Variants in DOCK8 observed in about 807,000 individuals in gnomAD.
DOCK8 encodes the protein dedicator of cytokinesis protein 8.
A neutral mutation model predicts 245.6 loss-of-function variants in DOCK8; 141 were observed. That is an observed-to-expected ratio of 0.57 (90% CI 0.50 to 0.66). DOCK8 has a LOEUF of 0.66. DOCK8 is among the 30% of genes least tolerant of loss of function. DOCK8 has a pLI of 0.00. For synonymous variants in DOCK8, 1,168 were observed against 970.2 expected (o/e 1.20, Z -3.79); for missense variants, 2,965 against 2,603.4 (o/e 1.14, Z -3.02).
At chr9:435,118 TG>T in intron 39 of DOCK8, 143 bp downstream of exon 39, 4 of 937,716 alleles carry the variant, frequency 4.3e-6, no homozygotes, top group Non-Finnish European at 6.6e-6. Context: ...TACTGGCATC[TG>T]ACTGGTAGAA....
At chr9:443,330 A>C in intron 42 of DOCK8, 97 bp from the exon 43 acceptor site, 3 of 1,134,710 alleles carry the variant, frequency 2.6e-6, no homozygotes, top group East Asian at 2.4e-5. Context: ...ACATCATTCT[A>C]CCTTGCACTT....
intron 15 of DOCK8, chr9:368,387 A>G (rs1586818210): frequency 8.8e-6 from 6 of 684,984 alleles, no homozygotes; most frequent in East Asian, 2.7e-5. Flanking sequence ...AAAAAAAGTC[A>G]TAAAGTCTTT....
intron 14 of DOCK8, among the ~76,000 whole-genome samples, chr9:366,760 G>A (rs560355147): frequency 2.0e-5 from 3 of 152,110 alleles, no homozygotes; most frequent in African/African-American, 2.4e-5. Context: ...TTTGCTCAAC[G>A]CCCCCTACCT....
chr9:228,154 G>T (rs1428580565), intron 1 of DOCK8, among the ~76,000 whole-genome samples: 1 of 152,104 alleles, frequency 6.6e-6, no homozygotes, highest in African/African-American at 2.4e-5. Flanking sequence ...GGGACAAGTG[G>T]TAACCAGAAG....
At chr9:257,249 G>T (rs1218550043) in intron 1 of DOCK8, among the ~76,000 whole-genome samples, 1 of 152,200 alleles carries the variant, frequency 6.6e-6, no homozygotes, top group Non-Finnish European at 1.5e-5. Flanking sequence ...GAATATCTTA[G>T]TTAAATTTGG....
chr9:268,173 C>G (rs2048077388), intron 1 of DOCK8: 1 of 152,142 alleles, frequency 6.6e-6, no homozygotes, highest in African/African-American at 2.4e-5. Context: ...CAATTCTTTT[C>G]CACGTGGAAT....
At chr9:261,339 C>G (rs1007278206) in intron 1 of DOCK8, among the ~76,000 whole-genome samples, 2 of 152,142 alleles carry the variant, frequency 1.3e-5, no homozygotes, top group African/African-American at 4.8e-5. Flanking sequence ...AATCCACTTA[C>G]TTAGCCCAGG....
intron 28 of DOCK8, among the ~76,000 whole-genome samples, chr9:412,785 T>C (rs1452643024): frequency 2.0e-5 from 3 of 151,854 alleles, no homozygotes; most frequent in East Asian, 3.9e-4. Context: ...ATATCATATG[T>C]TCATGAATCA....
chr9:281,211 G>A lies in DOCK8; in HGVS notation c.157-5250G>A, dbSNP rs558678627. ...GGAGGTTGCAGTGAGCCGAGATCCC[G>A]CCACTGCAGTCCAGCAACGGAGTGA... On this transcript the variant is annotated intron_variant, in intron 2 of 47. Coordinates refer to ENST00000432829, the MANE Select transcript of DOCK8 (RefSeq NM_203447.4). Among the ~76,000 whole-genome samples the A allele has an allele frequency of 6.8e-4, 103 of 151,774 alleles. No individual in the cohort carries two copies. In the Middle Eastern group the frequency reaches 0.01, roughly 15 times the overall value.
intron 22 of DOCK8, among the ~76,000 whole-genome samples, chr9:383,700 C>CAT (rs2053825975): frequency 1.4e-5 from 1 of 69,932 alleles, no homozygotes; most frequent in Admixed American, 2.1e-4. Flanking sequence ...GACTCCGTCT[C>CAT]AAAAAAAAAA....
chr9:410,746 A>G (rs769954129), intron 28 of DOCK8, among the ~76,000 whole-genome samples: 1 of 152,254 alleles, frequency 6.6e-6, no homozygotes, highest in Non-Finnish European at 1.5e-5. Flanking sequence ...GAAATAAAGA[A>G]TAGAAAAACA....
Position 420,677 on chromosome 9 carries a change from A to G in DOCK8, c.4023+94A>G, listed in dbSNP as rs528257972. 62 of 1,499,708 alleles carry G rather than the reference A, an allele frequency of 4.1e-5. 1 individual carries two copies. The South Asian group carries it at 6.3e-4, about 15-fold the overall frequency. The allele number at this position is 1,499,708 out of a possible 1,614,324, so 92.9% of individuals were successfully genotyped here. A position where few individuals can be genotyped will look rare whatever the true frequency, so the allele number is the denominator to read the frequency against. On this transcript the variant is annotated intron_variant, in intron 31 of 47. Transcript: ENST00000432829. ...TCCCCTTTGTTTGGGCCATGGAGGC[A>G]TCATTAATTTTTCTCATTTCTGTAT...
chr9:426,315 A>G lies in DOCK8; in HGVS notation c.4242-570A>G, dbSNP rs60141829. ...TACAGGAATACAGTCTTGTTTCCCA[A>G]TGGAAAAGGACGAAAGACCCCACGC... On this transcript the variant is annotated intron_variant, in intron 33 of 47. Transcript: ENST00000432829. 5.2e-3 allele frequency among the ~76,000 whole-genome samples: 789 copies of G among 152,282 alleles called. 11 individuals are homozygous for G. The highest frequency in any genetic ancestry group is 0.019 in the African/African-American group (770 of 41,538).
intron 29 of DOCK8, 86 bp from the exon 30 acceptor site, chr9:417,982 C>T: frequency 6.4e-7 from 1 of 1,569,000 alleles, no homozygotes; most frequent in South Asian, 1.1e-5. Context: ...ACTTTAGTGA[C>T]TGAGAAGTAT....
In DOCK8 at chr9:376,353, G is replaced by A. The variant is rs546714765; in HGVS notation, c.2205+48G>A. 51 of 1,273,392 alleles carry A rather than the reference G, an allele frequency of 4.0e-5. 1 individual carries two copies. The highest frequency in any genetic ancestry group is 1.8e-4 in the South Asian group (15 of 84,402). 78.9% of individuals were successfully genotyped at this position (1,273,392 alleles called of 1,614,324 possible). ...ATGAAGGTAAAGGTGCAGCGGAGGA[G>A]CCTTTGAAGGACAGGCCAATAAAAG... On this transcript the variant is annotated intron_variant, in intron 19 of 47. Transcript: ENST00000432829.
chr9:239,321 T>C (rs1587642514), intron 1 of DOCK8, among the ~76,000 whole-genome samples: 2 of 152,312 alleles, frequency 1.3e-5, no homozygotes, highest in Non-Finnish European at 2.9e-5. Context: ...GAGCTCACAT[T>C]TTCTGGGTAC....
rs368593501 is a variant in DOCK8 at position 220,130 on chromosome 9, T to A, written c.53+5101T>A. Among the ~76,000 whole-genome samples the A allele has an allele frequency of 4.6e-5, 7 of 152,346 alleles. No individual in the cohort carries two copies. In the East Asian group the frequency reaches 1.2e-3, roughly 25 times the overall value. ...GCTTTCAGGAATTGCTTTATTTGTC[T>A]GATGTGTTCTAGACCAAAGACCAAC... On this transcript the variant is annotated intron_variant, in intron 1 of 47. Coordinates refer to ENST00000432829, the MANE Select transcript of DOCK8 (RefSeq NM_203447.4).
intron 22 of DOCK8, 139 bp downstream of exon 22, chr9:382,824 T>A: frequency 8.9e-7 from 1 of 1,123,850 alleles, no homozygotes; most frequent in Middle Eastern, 2.1e-4. Context: ...TTTGGAGTGA[T>A]TAACGTTCTT....
Position 370,314 on chromosome 9 carries a change from A to G in DOCK8, c.1868+14A>G, listed in dbSNP as rs2131204254. 1 of 1,611,648 alleles carries G rather than the reference A, an allele frequency of 6.2e-7. No individual in the cohort carries two copies. The highest frequency in any genetic ancestry group is 2.2e-5 in the East Asian group (1 of 44,882). On this transcript the variant is annotated intron_variant, in intron 16 of 47. Transcript: ENST00000432829. ...ATACCATAATAAGTAAGTCTATTTC[A>G]GCATTCTAAATATATGCCAAGATGG... is the stretch of plus-strand genomic sequence containing the variant.
Sources: allele counts gnomAD v4.1 joint callset (sites outside exome capture counted in the v4.1 genomes callset), GRCh38; gene constraint gnomAD v4.1.1; transcripts MANE v1.5; gene names NCBI Gene and HGNC (gene_info 2026-07-23, HGNC 2026-07-21).